Variants in SLC24A4 observed in about 807,000 individuals in gnomAD.
SLC24A4 encodes the protein sodium/potassium/calcium exchanger 4.
A neutral mutation model predicts 79.0 loss-of-function variants in SLC24A4; 53 were observed. The ratio of observed to expected loss-of-function variants is 0.67; its 90% CI spans 0.54 to 0.84. The LOEUF (loss-of-function observed/expected upper bound fraction) is 0.84, where lower values mean the gene tolerates loss of function less well. SLC24A4 is among the 40% of genes least tolerant of loss of function. The probability of loss-of-function intolerance (pLI) is 0.00; values close to 1 mark genes in which losing one functional copy is unlikely to be tolerated. For missense variants in SLC24A4, 731 were observed against 822.0 expected, an observed-to-expected ratio of 0.89 and a Z score of 1.35; for synonymous variants, 323 against 323.8, an observed-to-expected ratio of 1.00 and a Z score of 0.03.
At chr14:92,383,662 T>C (rs1888977883) in intron 2 of SLC24A4, among the ~76,000 whole-genome samples, 1 of 152,136 alleles carries the variant, frequency 6.6e-6, no homozygotes, top group Non-Finnish European at 1.5e-5. Flanking sequence ...AGAGACTGTA[T>C]CAACCCTCCG....
chr14:92,424,723 T>C (rs77113224), intron 2 of SLC24A4, among the ~76,000 whole-genome samples: 17,346 of 151,216 alleles, frequency 0.11, 1,072 homozygotes, highest in African/African-American at 0.16. Flanking sequence ...ACCAAAAATA[T>C]ATATAAGCTG....
chr14:92,397,577 A>T (rs768532690), intron 2 of SLC24A4, among the ~76,000 whole-genome samples: 3 of 152,178 alleles, frequency 2.0e-5, no homozygotes, highest in Non-Finnish European at 4.4e-5. Context: ...TTAAATTGGC[A>T]CACAGCGGGA....
intron 2 of SLC24A4, among the ~76,000 whole-genome samples, chr14:92,372,994 TC>T (rs1888285455): frequency 7.0e-6 from 1 of 142,980 alleles, no homozygotes; most frequent in Admixed American, 7.0e-5. Flanking sequence ...TCCCTCTCTC[TC>T]TCTTCTTTCT....
At chr14:92,459,665 A>C (rs551274536) in intron 12 of SLC24A4, among the ~76,000 whole-genome samples, 64 of 152,052 alleles carry the variant, frequency 4.2e-4, no homozygotes, top group African/African-American at 1.5e-3. Context: ...GTCCCTGGAA[A>C]CCACGAATGG....
intron 2 of SLC24A4, among the ~76,000 whole-genome samples, chr14:92,427,320 G>A (rs1891618171): frequency 6.6e-6 from 1 of 152,228 alleles, no homozygotes; most frequent in African/African-American, 2.4e-5. Flanking sequence ...GCCAGGACCT[G>A]GCAGCACAGG....
intron 13 of SLC24A4, chr14:92,483,843 T>C: frequency 7.8e-7 from 1 of 1,289,806 alleles, no homozygotes. Context: ...CTCCTCCTAA[T>C]GCCTGACACC....
At chr14:92,380,450 G>A (rs61975601) in intron 2 of SLC24A4, among the ~76,000 whole-genome samples, 15,017 of 152,210 alleles carry the variant, frequency 0.099, 831 homozygotes, top group South Asian at 0.18. Context: ...GATCCATACT[G>A]GGCTCAGTAG....
intron 2 of SLC24A4, among the ~76,000 whole-genome samples, chr14:92,369,473 T>C (rs994702860): frequency 6.6e-6 from 1 of 152,176 alleles, no homozygotes; most frequent in African/African-American, 2.4e-5. Context: ...TTGGATCGAC[T>C]CTAGAAGAAA....
intron 12 of SLC24A4, among the ~76,000 whole-genome samples, chr14:92,476,634 A>G (rs1481539834): frequency 6.6e-6 from 1 of 152,218 alleles, no homozygotes; most frequent in Non-Finnish European, 1.5e-5. Flanking sequence ...AGAGCTGCGC[A>G]GCCATCACCA....
chr14:92,478,227 A>G (rs1894878415), intron 12 of SLC24A4, among the ~76,000 whole-genome samples: 1 of 152,216 alleles, frequency 6.6e-6, no homozygotes, highest in Non-Finnish European at 1.5e-5. Flanking sequence ...TCATTGCCCA[A>G]TCCAAGGTCA....
intron 2 of SLC24A4, among the ~76,000 whole-genome samples, chr14:92,329,256 C>T (rs1885328843): frequency 6.6e-6 from 1 of 152,226 alleles, no homozygotes; most frequent in Non-Finnish European, 1.5e-5. Context: ...AACGTGAGCC[C>T]ACATCTCCTT....
chr14:92,456,451 T>A lies in SLC24A4; in HGVS notation c.1098T>A (p.Leu366=), dbSNP rs752357200. Residue 366 remains leucine, a synonymous_variant, in exon 12 of 17, where the codon CTT becomes CTA. Transcript: ENST00000532405. The part of the protein sequence containing the change: ...NSANGVSSKP[L]QNGRHENIEN... The stretch of plus-strand genomic sequence containing the variant: ...CCAATGGTGTGAGCAGTAAGCCGCT[T>A]CAAAACGGGAGGCACGAGAACATTG... 4 of 1,614,026 alleles carry A rather than the reference T, an allele frequency of 2.5e-6. No homozygotes were observed. The highest frequency in any genetic ancestry group is 3.4e-6 in the Non-Finnish European group (4 of 1,180,032).
At chr14:92,349,613 CTA>C (rs199715958) in intron 2 of SLC24A4, among the ~76,000 whole-genome samples, 2,073 of 152,284 alleles carry the variant, frequency 0.014, 52 homozygotes, top group African/African-American at 0.047. Context: ...ATTTGAGAAA[CTA>C]TAGTGCAATA....
At chr14:92,438,843 C>T (rs1400801396) in intron 3 of SLC24A4, among the ~76,000 whole-genome samples, 1 of 152,120 alleles carries the variant, frequency 6.6e-6, no homozygotes, top group East Asian at 1.9e-4. Context: ...AACCTCCAGC[C>T]CCTCTCTCCT....
intron 2 of SLC24A4, among the ~76,000 whole-genome samples, chr14:92,422,256 T>C (rs550688451): frequency 4.5e-4 from 69 of 152,346 alleles, no homozygotes; most frequent in Non-Finnish European, 8.7e-4. Flanking sequence ...CATTATCCTA[T>C]TCCTGGGCCG....
chr14:92,424,346 T>C (rs1419042158), intron 2 of SLC24A4, among the ~76,000 whole-genome samples: 1 of 152,220 alleles, frequency 6.6e-6, no homozygotes, highest in Non-Finnish European at 1.5e-5. Flanking sequence ...CCTTTTAGTG[T>C]TGCTATAAAG....
chr14:92,488,279 C>A (rs548459103), intron 14 of SLC24A4, among the ~76,000 whole-genome samples: 1 of 152,144 alleles, frequency 6.6e-6, no homozygotes, highest in African/African-American at 2.4e-5. Context: ...ACCATGTTGG[C>A]CAGGCTAGTC....
At chr14:92,447,336 C>T (rs374104376) in intron 8 of SLC24A4, 35 bp from the exon 9 acceptor site, 35 of 1,611,050 alleles carry the variant, frequency 2.2e-5, no homozygotes, top group African/African-American at 9.4e-5. Flanking sequence ...CCCCGGGCCC[C>T]GAGCTCTAAC....
chr14:92,493,396 C>G (rs1895806176), intron 16 of SLC24A4, 80 bp from the exon 17 acceptor site: 2 of 1,534,404 alleles, frequency 1.3e-6, no homozygotes, highest in African/African-American at 2.7e-5. Context: ...GGTTTCCCCA[C>G]ATAGGTGTCG....
Sources: gnomAD v4.1 joint callset for allele counts (sites outside exome capture counted in the v4.1 genomes callset) on GRCh38, gnomAD v4.1.1 for gene constraint, MANE v1.5 for transcripts, NCBI Gene and HGNC (gene_info 2026-07-23, HGNC 2026-07-21) for gene names.